The following ATP11A variants were observed in gnomAD, a reference collection of about 807,000 sequenced individuals.
ATP11A encodes the protein ATPase phospholipid transporting 11A.
Under a neutral mutation model 154.4 loss-of-function variants are expected in ATP11A, and 81 were observed. The observed-to-expected ratio is 0.52, with a 90% CI of 0.44 to 0.63. ATP11A has a LOEUF of 0.63. Among genes scored for constraint, ATP11A ranks in the 30% least tolerant of loss-of-function variants. The pLI is 0.00. For synonymous variants in ATP11A, 623 were observed against 585.9 expected (o/e 1.06, Z -0.91); for missense variants, 1,316 against 1,474.3 (o/e 0.89, Z 1.76).
chr13:112,832,011 C>T (rs116720025), intron 13 of ATP11A, among the ~76,000 whole-genome samples: 1,888 of 152,108 alleles, frequency 0.012, 28 homozygotes, highest in African/African-American at 0.043. Context: ...CATGCACACA[C>T]GCTCACATGC....
At chr13:112,723,434 A>T (rs527963965) in intron 1 of ATP11A, among the ~76,000 whole-genome samples, 2 of 146,440 alleles carry the variant, frequency 1.4e-5, no homozygotes, top group East Asian at 4.1e-4. Context: ...ACCACACCTG[A>T]CTAACTTTTG....
intron 1 of ATP11A, among the ~76,000 whole-genome samples, chr13:112,779,688 C>T (rs1214996637): frequency 2.6e-5 from 4 of 151,900 alleles, no homozygotes; most frequent in African/African-American, 9.7e-5. Flanking sequence ...CTGAGGCGGG[C>T]GGATCACCTG....
intron 25 of ATP11A, 91 bp downstream of exon 25, chr13:112,862,666 G>A (rs1189087337): frequency 1.3e-6 from 2 of 1,535,330 alleles, no homozygotes; most frequent in African/African-American, 2.8e-5. Context: ...AGAATTCAGT[G>A]CAGCCCATGC....
rs1251843843 is a variant in ATP11A, at chr13:112,886,381, A to C, written c.*4515A>C. ...ATGTGTTTTGCACTGACTAGTACTG[A>C]ATAATACAACCACTCTTATTTAATG... is the stretch of plus-strand genomic sequence containing the variant. On this transcript the variant is annotated 3_prime_UTR_variant, in exon 30 of 30. Transcript: ENST00000375645. 2 of 152,236 alleles carry C rather than the reference A, an allele frequency of 1.3e-5. No individual in the cohort carries two copies. The highest frequency in any genetic ancestry group is 4.8e-5 in the African/African-American group (2 of 41,460). 9.4% of individuals were successfully genotyped at this position (152,236 alleles called of 1,614,324 possible).
chr13:112,706,206 TG>T (rs1359478325), intron 1 of ATP11A, among the ~76,000 whole-genome samples: 4 of 152,178 alleles, frequency 2.6e-5, no homozygotes, highest in African/African-American at 9.7e-5. Flanking sequence ...TTTAAATAAT[TG>T]GCCATAGTAA....
chr13:112,767,692 A>G (rs576877738), intron 1 of ATP11A, among the ~76,000 whole-genome samples: 51 of 152,114 alleles, frequency 3.4e-4, no homozygotes, highest in Non-Finnish European at 5.6e-4. Flanking sequence ...CAGTCTCACA[A>G]TAAAAAGTTG....
intron 1 of ATP11A, among the ~76,000 whole-genome samples, chr13:112,711,180 C>A (rs185538098): frequency 5.3e-5 from 8 of 152,322 alleles, no homozygotes; most frequent in Non-Finnish European, 7.3e-5. Flanking sequence ...TTTCATCATG[C>A]TTCCTGAGCC....
chr13:112,821,791 T>C (rs2078803480), intron 8 of ATP11A, among the ~76,000 whole-genome samples: 1 of 152,204 alleles, frequency 6.6e-6, no homozygotes. Context: ...TCCAAGTAAA[T>C]TATTTTTAGA....
At chr13:112,771,530 C>G (rs556769738) in intron 1 of ATP11A, among the ~76,000 whole-genome samples, 4 of 152,260 alleles carry the variant, frequency 2.6e-5, no homozygotes, top group African/African-American at 9.6e-5. Context: ...TTTCTCTTTT[C>G]TTAGGCATAC....
At chr13:112,793,776 G>A (rs1324418413) in intron 2 of ATP11A, among the ~76,000 whole-genome samples, 2 of 152,208 alleles carry the variant, frequency 1.3e-5, no homozygotes, top group African/African-American at 4.8e-5. Flanking sequence ...GTGCTCCTGC[G>A]GGCGCCTGGG....
In ATP11A at chr13:112,877,887, G is replaced by A. The variant is rs917799399; in HGVS notation, c.3328-330G>A. 4.6e-5 allele frequency among the ~76,000 whole-genome samples: 7 copies of A among 151,222 alleles called. 1 individual carries two copies. The South Asian group carries it at 8.4e-4, about 18-fold the overall frequency. ...GGGAATGCCAGTGAGGACCCTCCCCGTCCCACCCTTTGTTTAGAAGCCCCT... is the reference window on the plus strand; with the variant it reads ...GGGAATGCCAGTGAGGACCCTCCCCATCCCACCCTTTGTTTAGAAGCCCCT... On this transcript the variant is annotated intron_variant, in intron 28 of 29. Transcript: ENST00000375645.
In ATP11A at chr13:112,875,493, T is replaced by G. The variant is rs2080692240; in HGVS notation, c.3162-283T>G. Among the ~76,000 whole-genome samples the G allele has an allele frequency of 1.0e-4, 1 of 9,762 alleles. No homozygotes were observed. The highest frequency in any genetic ancestry group is 5.1e-3 in the South Asian group (1 of 198). 6.4% of individuals were successfully genotyped at this position (9,762 alleles called of 152,430 possible). ...CAATCCCTTTGTGTTTTGTTTTTTG[T>G]TTTTTTTTTTTTTGCTTCTGTGAAA... is the stretch of plus-strand genomic sequence containing the variant. On this transcript the variant is annotated intron_variant, in intron 27 of 29. Coordinates refer to ENST00000375645, the MANE Select transcript of ATP11A (RefSeq NM_015205.3). This position sits in a 1 kb window ranked among gnomAD's most constrained non-coding sequence, Gnocchi z 4.1.
chr13:112,732,801 T>TG (rs1489833836), intron 1 of ATP11A, among the ~76,000 whole-genome samples: 1 of 152,140 alleles, frequency 6.6e-6, no homozygotes, highest in African/African-American at 2.4e-5. Flanking sequence ...TTTGTCGAGA[T>TG]GGGGTTTCGC....
chr13:112,697,252 CCT>C lies in ATP11A; in HGVS notation c.39+6801_39+6802del, dbSNP rs1273206868. Among the ~76,000 whole-genome samples the C allele has an allele frequency of 1.3e-5, 2 of 152,178 alleles. No homozygotes were observed. The highest frequency in any genetic ancestry group is 2.4e-5 in the African/African-American group (1 of 41,452). ...GGTGGGCTCCTAGTGGCCTTTCTTC[CCT>C]CTCCATCAACATCCTTGTCCCAGGA... On this transcript the variant is annotated intron_variant, in intron 1 of 29. Transcript: ENST00000375645. The surrounding 1 kb of genome is among the most constrained non-coding windows in gnomAD (Gnocchi z 4.0).
chr13:112,699,928 T>C (rs1444309202), intron 1 of ATP11A, among the ~76,000 whole-genome samples: 1 of 152,092 alleles, frequency 6.6e-6, no homozygotes, highest in Non-Finnish European at 1.5e-5. Context: ...CCTTGTAATT[T>C]CATACACTGA....
chr13:112,878,389 T>C, intron 29 of ATP11A, 86 bp downstream of exon 29: 3 of 1,451,646 alleles, frequency 2.1e-6, no homozygotes, highest in Admixed American at 3.4e-5. Context: ...TGAGTCCACG[T>C]GCTCTGACGC....
At chr13:112,867,667 G>GT (rs1445176295) in intron 25 of ATP11A, among the ~76,000 whole-genome samples, 1 of 152,174 alleles carries the variant, frequency 6.6e-6, no homozygotes, top group African/African-American at 2.4e-5. Flanking sequence ...ACTAGCTCCT[G>GT]TTTCCTGGTC....
Position 112,832,904 on chromosome 13 carries a change from CG to C in ATP11A, c.1441del (p.Val481SerfsTer3). ...FFRALCLCHT[V>X]QVKDDDSVDG... Reference sequence around the variant, plus strand: ...TCCGGGCCCTCTGTCTCTGCCACACCGTCCAGGTGAAAGACGATGACAGCGT... The same window carrying C: ...TCCGGGCCCTCTGTCTCTGCCACACCTCCAGGTGAAAGACGATGACAGCGT... On this transcript the variant is annotated frameshift_variant, in exon 14 of 30. Coordinates refer to ENST00000375645, the MANE Select transcript of ATP11A (RefSeq NM_015205.3). LOFTEE classifies it high-confidence loss of function. The C allele has an allele frequency of 6.2e-7, 1 of 1,614,076 alleles. No individual in the cohort carries two copies. The highest frequency in any genetic ancestry group is 8.5e-7 in the Non-Finnish European group (1 of 1,179,972).
At chr13:112,823,600 A>C (rs892997459) in intron 9 of ATP11A, among the ~76,000 whole-genome samples, 191 bp downstream of exon 9, 3 of 152,240 alleles carry the variant, frequency 2.0e-5, no homozygotes, top group African/African-American at 7.2e-5. Context: ...GCAGCATCAG[A>C]GAATACGGCT....
Sources: allele counts gnomAD v4.1 joint callset (sites outside exome capture counted in the v4.1 genomes callset), GRCh38; gene constraint gnomAD v4.1.1; non-coding constraint Gnocchi (gnomAD v3.1); transcripts MANE v1.5; gene names NCBI Gene and HGNC (gene_info 2026-07-23, HGNC 2026-07-21).